Variants in CTNNA3 observed in about 807,000 individuals in gnomAD.
The protein encoded by CTNNA3 is catenin alpha-3.
In CTNNA3, 76 loss-of-function variants were observed where a neutral mutation model predicts 95.7. That is an observed-to-expected ratio of 0.79 (90% CI 0.66 to 0.96). The LOEUF (loss-of-function observed/expected upper bound fraction) is 0.96. Among genes scored for constraint, CTNNA3 ranks in the 40% least tolerant of loss-of-function variants. The pLI is 0.00. For synonymous variants in CTNNA3, 431 were observed against 374.4 expected (o/e 1.15, Z -1.74); for missense variants, 1,191 against 1,089.8 (o/e 1.09, Z -1.31).
chr10:66,373,785 C>A (rs1188176430), intron 12 of CTNNA3, among the ~76,000 whole-genome samples: 1 of 152,176 alleles, frequency 6.6e-6, no homozygotes, highest in Non-Finnish European at 1.5e-5. Context: ...TCAGTCAGAT[C>A]TTTCAACAGA....
chr10:66,917,010 C>T (rs1485192618), intron 7 of CTNNA3, among the ~76,000 whole-genome samples: 1 of 152,156 alleles, frequency 6.6e-6, no homozygotes, highest in Non-Finnish European at 1.5e-5. Context: ...TCATTGCCCT[C>T]ATCCTTGTTA....
Position 67,498,090 on chromosome 10 carries a change from C to A in CTNNA3, c.579+23752G>T, listed in dbSNP as rs1201522379. Among the ~76,000 whole-genome samples the A allele has an allele frequency of 2.0e-5, 3 of 152,270 alleles. No individual in the cohort carries two copies. The East Asian group carries it at 5.8e-4, about 29-fold the overall frequency. On this transcript the variant is annotated intron_variant, in intron 5 of 17. Transcript: ENST00000433211. The stretch of plus-strand genomic sequence containing the variant: ...TAGGTCTAACACTTAAGTCTTTAAT[C>A]CATCTTGAATTAATTTTTGTATAAG...
At chr10:66,686,592 C>T (rs551560054) in intron 9 of CTNNA3, among the ~76,000 whole-genome samples, 18 of 152,258 alleles carry the variant, frequency 1.2e-4, no homozygotes, top group Admixed American at 9.8e-4. Flanking sequence ...AGGCTATAGG[C>T]CTCTCTTTGA....
chr10:67,397,416 T>C (rs1844745950), intron 5 of CTNNA3, among the ~76,000 whole-genome samples: 1 of 152,204 alleles, frequency 6.6e-6, no homozygotes, highest in South Asian at 2.1e-4. Flanking sequence ...ATTTTGCCCC[T>C]GCCCTAGAGA....
chr10:67,061,031 T>C (rs1389584629), intron 7 of CTNNA3, among the ~76,000 whole-genome samples: 5 of 152,156 alleles, frequency 3.3e-5, no homozygotes, highest in Admixed American at 2.0e-4. Context: ...AGTGACTCAA[T>C]GAAATTTTAT....
chr10:65,944,848 ATATC>A, intron 17 of CTNNA3, among the ~76,000 whole-genome samples: 1 of 132,714 alleles, frequency 7.5e-6, no homozygotes, highest in African/African-American at 3.0e-5. Context: ...AAACAAGAAA[ATATC>A]TGTCTATCTA....
chr10:67,645,469 T>C (rs1251925460), intron 2 of CTNNA3, among the ~76,000 whole-genome samples: 1 of 152,156 alleles, frequency 6.6e-6, no homozygotes, highest in Non-Finnish European at 1.5e-5. Flanking sequence ...TGTATTTGTT[T>C]TCACCAGCCA....
intron 11 of CTNNA3, among the ~76,000 whole-genome samples, chr10:66,389,127 C>T (rs1251906105): frequency 6.6e-6 from 1 of 152,094 alleles, no homozygotes; most frequent in African/African-American, 2.4e-5. Context: ...CAACTTCCTA[C>T]TGTTGAATCT....
intron 3 of CTNNA3, among the ~76,000 whole-genome samples, chr10:67,562,011 A>T (rs1418816746): frequency 6.6e-6 from 1 of 152,166 alleles, no homozygotes; most frequent in Admixed American, 6.5e-5. Context: ...CTTACCAACC[A>T]AAAAGAGTCC....
chr10:66,452,147 TATATTTTTATTTTCAACTTCAGTAGC>T (rs1375029522), intron 11 of CTNNA3, among the ~76,000 whole-genome samples: 4 of 152,228 alleles, frequency 2.6e-5, no homozygotes, highest in African/African-American at 9.6e-5. Flanking sequence ...ACATTTCTTC[TATATTTTTATTTTCAACTTCAGTAGC>T]ATTGAGAAAT....
At chr10:65,938,431 G>A (rs535424058) in intron 17 of CTNNA3, among the ~76,000 whole-genome samples, 1 of 152,216 alleles carries the variant, frequency 6.6e-6, no homozygotes, top group African/African-American at 2.4e-5. Flanking sequence ...CTCATGTCAA[G>A]AATCAATTTG....
Position 66,069,496 on chromosome 10 carries a change from CAT to C in CTNNA3, c.1978-9_1978-8del, listed in dbSNP as rs750667259. The C allele has an allele frequency of 1.7e-4, 276 of 1,598,466 alleles. No individual in the cohort carries two copies. Among genetic ancestry groups the C allele is most frequent in the Middle Eastern group, 5.1e-4 (3 of 5,936 alleles). On this transcript the variant is annotated splice_polypyrimidine_tract_variant and splice_region_variant and intron_variant, in intron 14 of 17. Transcript: ENST00000433211. The stretch of plus-strand genomic sequence containing the variant: ...GCAGTTGAGTCATCTTAGCCTAAAA[CAT>C]GTGATAATTAGAGTTAAAATCATTC...
intron 7 of CTNNA3, among the ~76,000 whole-genome samples, chr10:67,113,510 A>G (rs763071746): frequency 6.6e-6 from 1 of 152,182 alleles, no homozygotes; most frequent in Non-Finnish European, 1.5e-5. Context: ...CACTAACAGA[A>G]ACATATTCTC....
At chr10:66,896,243 T>C (rs1845488096) in intron 7 of CTNNA3, among the ~76,000 whole-genome samples, 1 of 152,234 alleles carries the variant, frequency 6.6e-6, no homozygotes, top group African/African-American at 2.4e-5. Context: ...ATGACTTTCT[T>C]GTGCCTTACA....
At chr10:66,613,194 A>C (rs1458491822) in intron 10 of CTNNA3, among the ~76,000 whole-genome samples, 2 of 151,934 alleles carry the variant, frequency 1.3e-5, no homozygotes. Context: ...TCATTATCTA[A>C]TTTTTTACCC....
chr10:67,586,361 T>G (rs1240568645), intron 3 of CTNNA3, among the ~76,000 whole-genome samples: 1 of 152,208 alleles, frequency 6.6e-6, no homozygotes, highest in Non-Finnish European at 1.5e-5. Flanking sequence ...TCAACTTTTC[T>G]TTATTGATTC....
chr10:66,956,924 T>C (rs750355234), intron 7 of CTNNA3, among the ~76,000 whole-genome samples: 1 of 152,158 alleles, frequency 6.6e-6, no homozygotes, highest in African/African-American at 2.4e-5. Context: ...AATTATGTAG[T>C]AAGTGCACAG....
intron 9 of CTNNA3, among the ~76,000 whole-genome samples, chr10:66,652,978 A>C (rs1845961091): frequency 6.6e-6 from 1 of 152,166 alleles, no homozygotes; most frequent in Non-Finnish European, 1.5e-5. Flanking sequence ...ATATACAAGG[A>C]ACATACCTTA....
chr10:67,762,383 C>CCAA (rs1491429702), intron 1 of CTNNA3, among the ~76,000 whole-genome samples: 6 of 136,970 alleles, frequency 4.4e-5, no homozygotes, highest in Non-Finnish European at 1.6e-5. Flanking sequence ...CTCCCCCCCC[C>CCAA]AAAAAAAAAA....
Sources: allele counts gnomAD v4.1 joint callset (sites outside exome capture counted in the v4.1 genomes callset), GRCh38; gene constraint gnomAD v4.1.1; transcripts MANE v1.5; gene names NCBI Gene and HGNC (gene_info 2026-07-23, HGNC 2026-07-21).